Variants in ZNF519 observed in about 807,000 individuals in gnomAD.
ZNF519 encodes the protein zinc finger protein 519, also known as similar to Zinc finger protein 85 (Zinc finger protein HPF4) (HTF1).
Under a neutral mutation model 7.4 loss-of-function variants are expected in ZNF519, and 7 were observed. That is an observed-to-expected ratio of 0.94 (90% CI 0.54 to 1.77). The LOEUF (loss-of-function observed/expected upper bound fraction) is 1.77. Among genes scored for constraint, ZNF519 ranks in the 40% most tolerant of loss-of-function variants. The pLI is 0.00. For missense variants in ZNF519, 586 were observed against 623.1 expected (o/e 0.94, Z 0.63); for synonymous variants, 179 against 203.3 (o/e 0.88, Z 1.02).
In ZNF519 at chr18:14,102,640, G is replaced by C. The variant is rs2046167777; in HGVS notation, c.*2277C>G. 3 of 152,112 alleles carry C rather than the reference G, an allele frequency of 2.0e-5. No individual in the cohort carries two copies. Among genetic ancestry groups the C allele is most frequent in the Admixed American group, 1.3e-4 (2 of 15,272 alleles). 9.4% of individuals were successfully genotyped at this position (152,112 alleles called of 1,614,324 possible). A position where few individuals can be genotyped will look rare whatever the true frequency, so the allele number is the denominator to read the frequency against. On this transcript the variant is annotated 3_prime_UTR_variant, in exon 3 of 3. Coordinates refer to ENST00000590202, the MANE Select transcript of ZNF519 (RefSeq NM_145287.4). Reference sequence around the variant, plus strand: ...GGAAATGGTAAGGATACAAAATGTAGAGTACTTTTTAAAATAATAATAATT... The same window carrying C: ...GGAAATGGTAAGGATACAAAATGTACAGTACTTTTTAAAATAATAATAATT...
Position 14,102,031 on chromosome 18 carries a change from C to T in ZNF519, c.*2886G>A, listed in dbSNP as rs1001988937. The T allele has an allele frequency of 1.4e-5, 4 of 295,112 alleles. No homozygotes were observed. The highest frequency in any genetic ancestry group is 2.5e-5 in the Non-Finnish European group (4 of 162,226). 18.3% of individuals were successfully genotyped at this position (295,112 alleles called of 1,614,324 possible). Reference sequence around the variant, plus strand: ...ATTATGTTTTTTGAGAATTTTATGCCCTGGTAGACCACAAATGAACAATCT... The same window carrying T: ...ATTATGTTTTTTGAGAATTTTATGCTCTGGTAGACCACAAATGAACAATCT... On this transcript the variant is annotated 3_prime_UTR_variant, in exon 3 of 3. Coordinates refer to ENST00000590202, the MANE Select transcript of ZNF519 (RefSeq NM_145287.4).
chr18:14,096,252 C>G (rs775229320), downstream of ZNF519, among the ~76,000 whole-genome samples: 1 of 152,200 alleles, frequency 6.6e-6, no homozygotes, highest in Non-Finnish European at 1.5e-5. Context: ...ATGGGTGACA[C>G]AGGCAATGTG....
chr18:14,093,894 T>C (rs1193128939), intron 2 of ZNF519, among the ~76,000 whole-genome samples: 1 of 152,254 alleles, frequency 6.6e-6, no homozygotes, highest in South Asian at 2.1e-4. Flanking sequence ...TATGATTCAC[T>C]ATGTATGAAA....
At chr18:14,091,371 T>C (rs955434847) in intron 2 of ZNF519, among the ~76,000 whole-genome samples, 13 of 152,140 alleles carry the variant, frequency 8.5e-5, no homozygotes, top group African/African-American at 3.1e-4. Flanking sequence ...AGAAAAGTTG[T>C]AAGGGAATTT....
intron 2 of ZNF519, among the ~76,000 whole-genome samples, chr18:14,087,289 G>A (rs1277876098): frequency 1.3e-5 from 2 of 152,178 alleles, no homozygotes; most frequent in Non-Finnish European, 2.9e-5. Context: ...AGATAAGGAT[G>A]CTTATGTTTA....
downstream of ZNF519, among the ~76,000 whole-genome samples, chr18:14,094,940 T>C (rs2046129675): frequency 6.6e-6 from 1 of 152,210 alleles, no homozygotes; most frequent in Non-Finnish European, 1.5e-5. Context: ...ATTTCTGAAT[T>C]AGTGATCTGT....
At chr18:14,127,795 G>A (rs1362564842) in intron 1 of ZNF519, among the ~76,000 whole-genome samples, 1 of 152,078 alleles carries the variant, frequency 6.6e-6, no homozygotes, top group East Asian at 1.9e-4. Context: ...TGCTCTAGAA[G>A]GGACTGTAGA....
Position 14,105,976 on chromosome 18 carries a change from T to G in ZNF519, c.564A>C (p.Lys188Asn), listed in dbSNP as rs1222151048. ...TAAGCTTTGAGGATTGGTAAAATAC[T>G]TTTTCACATTCATTACAATTGTAAT... is the stretch of plus-strand genomic sequence containing the variant. ...ENYYNCNECE[K>N]VFYQSSKLIF... is the part of the protein sequence containing the mutation. Residue 188 changes from lysine (K) to asparagine (N), a missense_variant, in exon 3 of 3, where the codon AAA becomes AAC. Transcript: ENST00000590202. 1.9e-6 allele frequency: 3 copies of G among 1,593,070 alleles called. No homozygotes were observed. Among genetic ancestry groups the G allele is most frequent in the African/African-American group, 1.4e-5 (1 of 73,972 alleles).
downstream of ZNF519, chr18:14,075,774 T>C (rs1325942492): frequency 6.6e-6 from 1 of 152,230 alleles, no homozygotes. Context: ...CTTCTATTCA[T>C]ATTCAGAGTT....
chr18:14,119,204 T>G (rs2046259641), intron 2 of ZNF519, among the ~76,000 whole-genome samples: 1 of 152,194 alleles, frequency 6.6e-6, no homozygotes, highest in Non-Finnish European at 1.5e-5. Flanking sequence ...TTACAACGCT[T>G]CTTCTCTGCA....
intron 2 of ZNF519, among the ~76,000 whole-genome samples, chr18:14,094,714 G>A (rs984054464): frequency 2.0e-5 from 3 of 152,088 alleles, no homozygotes; most frequent in Non-Finnish European, 2.9e-5. Context: ...ATTTATGCTC[G>A]CAGAGATTGG....
intron 2 of ZNF519, among the ~76,000 whole-genome samples, chr18:14,094,154 A>T (rs1411968215): frequency 6.6e-6 from 1 of 152,208 alleles, no homozygotes; most frequent in African/African-American, 2.4e-5. Flanking sequence ...GGCAGAAAGG[A>T]AACAGCTAAG....
intron 2 of ZNF519, among the ~76,000 whole-genome samples, chr18:14,093,490 T>C (rs1422907388): frequency 6.6e-6 from 1 of 152,218 alleles, no homozygotes; most frequent in African/African-American, 2.4e-5. Flanking sequence ...TACATACACC[T>C]ATAACAATAC....
downstream of ZNF519, among the ~76,000 whole-genome samples, chr18:14,095,999 G>A (rs1057140890): frequency 6.6e-6 from 1 of 152,238 alleles, no homozygotes; most frequent in African/African-American, 2.4e-5. Context: ...TAGCAGTGGT[G>A]TGAGCTGGAA....
At chr18:14,079,441 T>C (rs1479982353) in intron 3 of ZNF519, among the ~76,000 whole-genome samples, 1 of 152,144 alleles carries the variant, frequency 6.6e-6, no homozygotes, top group East Asian at 1.9e-4. Context: ...GCAAAAGACC[T>C]AGAATTGCCA....
At chr18:14,076,289 T>A (rs1189169808) in exon 5 of ZNF519, 1 of 152,210 alleles carries the variant, frequency 6.6e-6, no homozygotes, top group Non-Finnish European at 1.5e-5. Flanking sequence ...ATATCATTGC[T>A]TAATTTATAG....
exon 3 of ZNF519, chr18:14,085,000 C>T (rs369352166): frequency 5.9e-5 from 9 of 152,056 alleles, no homozygotes; most frequent in South Asian, 2.1e-4. Context: ...CGGGAAATAC[C>T]GCAGACATTC....
chr18:14,085,908 T>C (rs1423206887), intron 2 of ZNF519, among the ~76,000 whole-genome samples: 1 of 152,196 alleles, frequency 6.6e-6, no homozygotes, highest in Non-Finnish European at 1.5e-5. Context: ...CCTTCGATAG[T>C]GGCATCAGGC....
chr18:14,088,215 A>G (rs796657317), intron 2 of ZNF519, among the ~76,000 whole-genome samples: 12 of 152,352 alleles, frequency 7.9e-5, no homozygotes, highest in African/African-American at 2.9e-4. Flanking sequence ...TAGTATCAAG[A>G]CATTTGAATC....
Sources: gnomAD v4.1 joint callset for allele counts (sites outside exome capture counted in the v4.1 genomes callset) on GRCh38, gnomAD v4.1.1 for gene constraint, MANE v1.5 for transcripts, NCBI Gene and HGNC (gene_info 2026-07-23, HGNC 2026-07-21) for gene names.